PAQR5: variants seen among roughly 807,000 people sequenced by gnomAD.
PAQR5 encodes the protein progestin and adipoQ receptor family member 5, also known as membrane progestin receptor gamma.
A neutral mutation model predicts 34.5 loss-of-function variants in PAQR5; 20 were observed. That is an observed-to-expected ratio of 0.58 (90% CI 0.41 to 0.84). The LOEUF (loss-of-function observed/expected upper bound fraction) is 0.84, where lower values mean the gene tolerates loss of function less well. Among genes scored for constraint, PAQR5 ranks in the 40% least tolerant of loss-of-function variants. The pLI is 0.00. For synonymous variants in PAQR5, 131 were observed against 155.6 expected, an observed-to-expected ratio of 0.84 and a Z score of 1.18; for missense variants, 378 against 412.7, an observed-to-expected ratio of 0.92 and a Z score of 0.73.
intron 4 of PAQR5, among the ~76,000 whole-genome samples, chr15:69,383,600 G>GC (rs2055996836): frequency 7.5e-6 from 1 of 134,030 alleles, no homozygotes; most frequent in Non-Finnish European, 1.6e-5. Context: ...TGGAGGGTGA[G>GC]TGGGCCTTTG....
At chr15:69,347,723 C>T (rs749369299) in intron 2 of PAQR5, among the ~76,000 whole-genome samples, 29 of 152,234 alleles carry the variant, frequency 1.9e-4, no homozygotes, top group South Asian at 2.1e-4. Flanking sequence ...TCAGTAGATT[C>T]GGTGCTTTTG....
chr15:69,361,894 T>G (rs2055243784), intron 3 of PAQR5, among the ~76,000 whole-genome samples: 1 of 151,114 alleles, frequency 6.6e-6, no homozygotes, highest in Non-Finnish European at 1.5e-5. Flanking sequence ...GGGAGAGCAT[T>G]CCAGGTGGAA....
intron 1 of PAQR5, among the ~76,000 whole-genome samples, chr15:69,305,011 A>G (rs1297900605): frequency 6.6e-6 from 1 of 152,180 alleles, no homozygotes; most frequent in Non-Finnish European, 1.5e-5. Flanking sequence ...TGATCCTGTC[A>G]CTTCCTCTGC....
At chr15:69,334,497 A>C (rs1016749928) in intron 1 of PAQR5, among the ~76,000 whole-genome samples, 1 of 152,180 alleles carries the variant, frequency 6.6e-6, no homozygotes, top group Non-Finnish European at 1.5e-5. Context: ...GCATTAGATG[A>C]TAGGTAAGGC....
intron 1 of PAQR5, among the ~76,000 whole-genome samples, chr15:69,316,163 C>A (rs925537270): frequency 6.6e-6 from 1 of 152,110 alleles, no homozygotes; most frequent in Non-Finnish European, 1.5e-5. Context: ...TCACTGCAAC[C>A]TCTGCCTCCT....
intron 1 of PAQR5, among the ~76,000 whole-genome samples, chr15:69,302,056 A>G (rs573980232): frequency 4.0e-5 from 6 of 150,526 alleles, no homozygotes; most frequent in African/African-American, 1.2e-4. Flanking sequence ...AAACTGACCA[A>G]CTCCGGGTTG....
intron 2 of PAQR5, among the ~76,000 whole-genome samples, chr15:69,352,977 G>A (rs1374789065): frequency 3.9e-5 from 6 of 152,192 alleles, no homozygotes; most frequent in Non-Finnish European, 7.3e-5. Context: ...ATAATCAAGT[G>A]GATAGAATGA....
At chr15:69,357,953 C>T (rs369433038) in intron 2 of PAQR5, among the ~76,000 whole-genome samples, 1 of 152,072 alleles carries the variant, frequency 6.6e-6, no homozygotes, top group African/African-American at 2.4e-5. Flanking sequence ...CAGACGAGGC[C>T]TAGGGAGTTA....
chr15:69,346,621 A>ATTTTT (rs59483245), intron 2 of PAQR5, among the ~76,000 whole-genome samples: 2 of 132,550 alleles, frequency 1.5e-5, no homozygotes, highest in African/African-American at 5.6e-5. Context: ...TCCAGCTGCA[A>ATTTTT]TTTTTTTTTT....
chr15:69,331,806 T>C (rs913040309), intron 1 of PAQR5, among the ~76,000 whole-genome samples: 1 of 152,256 alleles, frequency 6.6e-6, no homozygotes, highest in East Asian at 1.9e-4. Context: ...CTGTTGTGTA[T>C]ATTTTGCTGG....
chr15:69,387,299 C>T (rs1479009187), intron 5 of PAQR5, among the ~76,000 whole-genome samples: 1 of 152,176 alleles, frequency 6.6e-6, no homozygotes, highest in African/African-American at 2.4e-5. Context: ...AGCCCTGGTC[C>T]AGGCCCCTGA....
At chr15:69,332,921 A>C (rs1413953846) in intron 1 of PAQR5, among the ~76,000 whole-genome samples, 1 of 152,076 alleles carries the variant, frequency 6.6e-6, no homozygotes, top group Non-Finnish European at 1.5e-5. Flanking sequence ...AAAAGCCAAA[A>C]ATACTGGTCG....
intron 2 of PAQR5, among the ~76,000 whole-genome samples, chr15:69,346,306 T>TTC (rs1352178160): frequency 6.7e-5 from 9 of 134,084 alleles, no homozygotes; most frequent in Non-Finnish European, 1.3e-4. Context: ...AATTTTTTTT[T>TTC]TTTTTTTTTT....
At chr15:69,393,429 T>C (rs963991573) in intron 6 of PAQR5, among the ~76,000 whole-genome samples, 1 of 122,804 alleles carries the variant, frequency 8.1e-6, no homozygotes, top group Non-Finnish European at 1.8e-5. Context: ...CCAGACTTGC[T>C]GTATGGCCTC....
intron 3 of PAQR5, among the ~76,000 whole-genome samples, chr15:69,375,412 G>C (rs971996301): frequency 4.6e-5 from 7 of 152,150 alleles, no homozygotes; most frequent in African/African-American, 1.7e-4. Context: ...AGGTCCTGGA[G>C]GTTAGGACTT....
At chr15:69,393,651 G>T (rs921155385) in intron 6 of PAQR5, among the ~76,000 whole-genome samples, 49 of 152,224 alleles carry the variant, frequency 3.2e-4, no homozygotes, top group Non-Finnish European at 6.2e-4. Flanking sequence ...GGCAGGAGCG[G>T]GAGAGAACCA....
chr15:69,336,420 A>G (rs1400809639), intron 1 of PAQR5, among the ~76,000 whole-genome samples: 22 of 152,196 alleles, frequency 1.4e-4, no homozygotes, highest in Non-Finnish European at 8.8e-5. Context: ...GTGTAAATGT[A>G]TTATTGGCAT....
intron 4 of PAQR5, among the ~76,000 whole-genome samples, chr15:69,382,382 T>C (rs2055909002): frequency 6.6e-6 from 1 of 152,018 alleles, no homozygotes; most frequent in East Asian, 1.9e-4. Context: ...CGCAGTGGCT[T>C]ATGCCTATAA....
rs2053634760 is a variant in PAQR5 at position 69,302,834 on chromosome 15, T to A, written c.-277+3778T>A. On this transcript the variant is annotated intron_variant, in intron 1 of 8. Coordinates refer to ENST00000395407, the MANE Select transcript of PAQR5 (RefSeq NM_017705.4). Reference sequence around the variant, plus strand: ...TACTCACGCATGGCCCTGCCCAGTTTCCTGCCACCATTCTTGACTCCTAAC... The same window carrying A: ...TACTCACGCATGGCCCTGCCCAGTTACCTGCCACCATTCTTGACTCCTAAC... Among the ~76,000 whole-genome samples, 5 of 152,190 alleles carry A rather than the reference T, an allele frequency of 3.3e-5. No individual in the cohort carries two copies. In the South Asian group the frequency reaches 1.0e-3, roughly 32 times the overall value.
Sources: gnomAD v4.1 joint callset for allele counts (sites outside exome capture counted in the v4.1 genomes callset) on GRCh38, gnomAD v4.1.1 for gene constraint, MANE v1.5 for transcripts, NCBI Gene and HGNC (gene_info 2026-07-23, HGNC 2026-07-21) for gene names.